ATP2B2: variants seen among roughly 807,000 people sequenced by gnomAD.
The protein encoded by ATP2B2 is plasma membrane calcium-transporting ATPase 2.
A neutral mutation model predicts 120.0 loss-of-function variants in ATP2B2; 15 were observed. That is an observed-to-expected ratio of 0.12 (90% CI 0.08 to 0.19). ATP2B2 has a LOEUF of 0.19. ATP2B2 is among the 10% of genes least tolerant of loss of function. The pLI is 1.00. For missense variants in ATP2B2, 1,045 were observed against 1,719.8 expected (o/e 0.61, Z 6.94); for synonymous variants, 694 against 700.3 (o/e 0.99, Z 0.14).
chr3:10,542,531 T>C (rs1257302453), intron 2 of ATP2B2, among the ~76,000 whole-genome samples: 6 of 152,208 alleles, frequency 3.9e-5, no homozygotes, highest in Non-Finnish European at 7.4e-5. Flanking sequence ...ATAGGTCTTC[T>C]GGCAAAAAAT....
intron 1 of ATP2B2, among the ~76,000 whole-genome samples, chr3:10,499,970 C>G (rs2066316051): frequency 1.5e-5 from 2 of 133,700 alleles, no homozygotes; most frequent in East Asian, 4.5e-4. Flanking sequence ...GAGTCTCACT[C>G]TGTCACCCAG....
At chr3:10,500,371 T>A (rs2066335633) in intron 1 of ATP2B2, among the ~76,000 whole-genome samples, 1 of 151,686 alleles carries the variant, frequency 6.6e-6, no homozygotes, top group African/African-American at 2.4e-5. Context: ...GTGACTGCAG[T>A]GGGTTGAACG....
chr3:10,416,738 G>A (rs2062794652), intron 2 of ATP2B2, among the ~76,000 whole-genome samples: 1 of 152,052 alleles, frequency 6.6e-6, no homozygotes, highest in African/African-American at 2.4e-5. Flanking sequence ...GGCTTTATGA[G>A]AGGGAAGGAC....
chr3:10,440,512 C>T (rs1209444280), intron 2 of ATP2B2, among the ~76,000 whole-genome samples: 1 of 152,196 alleles, frequency 6.6e-6, no homozygotes, highest in East Asian at 1.9e-4. Flanking sequence ...GTTCTAGGCT[C>T]CAGGCACAGC....
intron 8 of ATP2B2, among the ~76,000 whole-genome samples, chr3:10,379,867 C>T (rs771367914): frequency 2.0e-5 from 3 of 152,044 alleles, no homozygotes; most frequent in Non-Finnish European, 4.4e-5. Context: ...TTAGTTTTGG[C>T]CTTCAAGAGG....
Position 10,635,091 on chromosome 3 carries a change from C to G in ATP2B2, c.-459-15130G>C, listed in dbSNP as rs532373554. ...ATGTCCCTGGGAATTGGAATGGTAT[C>G]ACTGGCCTCTCTGTGGGAGACAATA... On this transcript the variant is annotated intron_variant, in intron 1 of 21. Coordinates refer to the ATP2B2 transcript ENST00000646379. This position sits in a 1 kb window ranked among gnomAD's most constrained non-coding sequence, Gnocchi z 4.3. Among the ~76,000 whole-genome samples the G allele has an allele frequency of 1.2e-4, 18 of 151,956 alleles. No homozygotes were observed. Among genetic ancestry groups the G allele is most frequent in the African/African-American group, 3.4e-4 (14 of 41,452 alleles).
At chr3:10,511,728 C>G (rs2066764982) in intron 3 of ATP2B2, among the ~76,000 whole-genome samples, 1 of 152,160 alleles carries the variant, frequency 6.6e-6, no homozygotes, top group Admixed American at 6.5e-5. Flanking sequence ...GGAAGGAGAG[C>G]CCCTATTCCT....
rs574102806 is a variant in ATP2B2 at position 10,445,676 on chromosome 3, A to G, written c.199+3669T>C. ...CAAACCCCATTTGTCACTTTCAGAG[A>G]TCTTTTTGCCTAAAATTAGCTGAAC... On this transcript the variant is annotated intron_variant, in intron 2 of 22. Coordinates refer to ENST00000360273, the MANE Select transcript of ATP2B2 (RefSeq NM_001001331.4). 6.6e-5 allele frequency among the ~76,000 whole-genome samples: 10 copies of G among 152,292 alleles called. No individual in the cohort carries two copies. In the East Asian group the frequency reaches 1.9e-3, roughly 29 times the overall value.
At chr3:10,557,848 T>A (rs1361049097) in intron 2 of ATP2B2, among the ~76,000 whole-genome samples, 1 of 151,916 alleles carries the variant, frequency 6.6e-6, no homozygotes, top group Non-Finnish European at 1.5e-5. Flanking sequence ...GGAAGGTGAG[T>A]CATCATGGTG....
intron 2 of ATP2B2, among the ~76,000 whole-genome samples, chr3:10,582,238 CT>C (rs571892458): frequency 1.1e-3 from 169 of 152,254 alleles, no homozygotes; most frequent in Middle Eastern, 3.4e-3. Flanking sequence ...GCCAGAATTG[CT>C]GCAGGGGCTG....
At chr3:10,526,664 G>A (rs1336364250) in intron 3 of ATP2B2, among the ~76,000 whole-genome samples, 1 of 152,178 alleles carries the variant, frequency 6.6e-6, no homozygotes, top group Non-Finnish European at 1.5e-5. Context: ...TGTGATGAGT[G>A]TGCGGATGGC....
chr3:10,505,635 C>T (rs942802100), upstream of ATP2B2: 3 of 141,112 alleles, frequency 2.1e-5, no homozygotes, highest in East Asian at 6.6e-4. Flanking sequence ...GCGCCGGCGC[C>T]GGTTCTAGGA....
At chr3:10,657,977 A>T (rs911409705) in intron 1 of ATP2B2, among the ~76,000 whole-genome samples, 1 of 152,222 alleles carries the variant, frequency 6.6e-6, no homozygotes, top group African/African-American at 2.4e-5. Context: ...GGTGATACCC[A>T]GGCAAACAGG....
chr3:10,579,141 G>C (rs2068324520), intron 2 of ATP2B2, among the ~76,000 whole-genome samples: 1 of 152,218 alleles, frequency 6.6e-6, no homozygotes, highest in African/African-American at 2.4e-5. Context: ...TCTGAGAATG[G>C]TACTAAAGAA....
chr3:10,429,567 A>C (rs2063248380), intron 2 of ATP2B2, among the ~76,000 whole-genome samples: 1 of 152,148 alleles, frequency 6.6e-6, no homozygotes, highest in Non-Finnish European at 1.5e-5. Flanking sequence ...ATGCATTCTG[A>C]CTGCTCCACT....
intron 1 of ATP2B2, among the ~76,000 whole-genome samples, chr3:10,502,583 C>G (rs1009405573): frequency 2.6e-5 from 4 of 152,224 alleles, no homozygotes; most frequent in African/African-American, 9.6e-5. Flanking sequence ...CCACAGTTTC[C>G]TTTTTATAAA....
chr3:10,667,156 C>A (rs939664491), intron 1 of ATP2B2, among the ~76,000 whole-genome samples: 8 of 152,176 alleles, frequency 5.3e-5, no homozygotes, highest in African/African-American at 1.9e-4. Context: ...CCGAGGTGGT[C>A]TCCACCAACA....
chr3:10,522,786 G>A (rs1453447037), intron 3 of ATP2B2, among the ~76,000 whole-genome samples: 1 of 152,188 alleles, frequency 6.6e-6, no homozygotes, highest in African/African-American at 2.4e-5. Context: ...GAAGAAGCTG[G>A]AGGCTCAGAG....
In ATP2B2 at chr3:10,410,718, C is replaced by T. The variant is rs1409175295; in HGVS notation, c.297G>A (p.Val99=). 1.2e-6 allele frequency: 2 copies of T among 1,614,212 alleles called. No individual in the cohort carries two copies. Among genetic ancestry groups the T allele is most frequent in the Non-Finnish European group, 1.7e-6 (2 of 1,180,032 alleles). The change falls in exon 3 of 23, where the codon GTG becomes GTA. Residue 99 remains valine, a synonymous_variant. Coordinates refer to ENST00000360273, the MANE Select transcript of ATP2B2 (RefSeq NM_001001331.4). ...PKKPKTFLQL[V]WEALQDVTLI... ...GCGTCACGTCCTGCAGCGCCTCCCA[C>T]ACGAGCTGCAGGAAGGTTTTTGGCT...
Sources: gnomAD v4.1 joint callset for allele counts (sites outside exome capture counted in the v4.1 genomes callset) on GRCh38, gnomAD v4.1.1 for gene constraint, Gnocchi (gnomAD v3.1) non-coding constraint, MANE v1.5 for transcripts, NCBI Gene and HGNC (gene_info 2026-07-23, HGNC 2026-07-21) for gene names.